Variants in TAF4B observed in about 807,000 individuals in gnomAD.
TAF4B encodes the protein transcription initiation factor TFIID subunit 4B.
Under a neutral mutation model 86.4 loss-of-function variants are expected in TAF4B, and 38 were observed. That is an observed-to-expected ratio of 0.44 (90% CI 0.34 to 0.58). The LOEUF (loss-of-function observed/expected upper bound fraction) is 0.58, where lower values mean the gene tolerates loss of function less well. Ranked by LOEUF, TAF4B falls within the 20% of genes least tolerant of loss-of-function variation. The probability of loss-of-function intolerance (pLI) is 0.02; values close to 1 mark genes in which losing one functional copy is unlikely to be tolerated. For missense variants in TAF4B, 988 were observed against 1,027.6 expected (o/e 0.96, Z 0.53); for synonymous variants, 388 against 391.2 (o/e 0.99, Z 0.10).
intron 13 of TAF4B, among the ~76,000 whole-genome samples, chr18:26,336,527 T>C (rs187189500): frequency 1.3e-5 from 2 of 152,210 alleles, no homozygotes; most frequent in African/African-American, 4.8e-5. Flanking sequence ...CAGGGAACGA[T>C]GGAAAGGGAG....
chr18:26,250,358 A>T (rs1236217039), intron 1 of TAF4B, among the ~76,000 whole-genome samples: 1 of 152,048 alleles, frequency 6.6e-6, no homozygotes, highest in Admixed American at 6.5e-5. Context: ...TTAGCCAGGC[A>T]TGGTAGCAGG....
chr18:26,292,505 A>G (rs2056605538), intron 8 of TAF4B, 124 bp downstream of exon 8: 2 of 1,000,106 alleles, frequency 2.0e-6, no homozygotes, highest in African/African-American at 3.3e-5. Flanking sequence ...ACCCATTGAG[A>G]GAAAACAGAA....
intron 13 of TAF4B, among the ~76,000 whole-genome samples, chr18:26,336,767 A>G (rs1018778857): frequency 6.6e-6 from 1 of 152,214 alleles, no homozygotes; most frequent in Non-Finnish European, 1.5e-5. Flanking sequence ...AGGACTGACT[A>G]GATGCTTATC....
At chr18:26,369,301 T>C (rs916569872) in intron 14 of TAF4B, among the ~76,000 whole-genome samples, 7 of 152,174 alleles carry the variant, frequency 4.6e-5, no homozygotes, top group Admixed American at 4.6e-4. Flanking sequence ...AGAAAAGCAG[T>C]TGGGGAAAAT....
At chr18:26,236,726 G>A (rs183431407) in intron 1 of TAF4B, among the ~76,000 whole-genome samples, 5 of 152,160 alleles carry the variant, frequency 3.3e-5, no homozygotes, top group Admixed American at 3.3e-4. Flanking sequence ...CTAAGGCTGC[G>A]GCCTTTCTCT....
At chr18:26,240,071 G>T (rs1340174477) in intron 1 of TAF4B, among the ~76,000 whole-genome samples, 1 of 152,150 alleles carries the variant, frequency 6.6e-6, no homozygotes, top group Non-Finnish European at 1.5e-5. Context: ...GGCAATGCTG[G>T]CTCTTTTTTG....
At chr18:26,268,048 G>T (rs867645984) in intron 3 of TAF4B, among the ~76,000 whole-genome samples, 1 of 152,152 alleles carries the variant, frequency 6.6e-6, no homozygotes, top group African/African-American at 2.4e-5. Context: ...TCCCACTATG[G>T]GTTAACATGG....
At chr18:26,365,982 A>G (rs553224051) in intron 14 of TAF4B, among the ~76,000 whole-genome samples, 1 of 152,164 alleles carries the variant, frequency 6.6e-6, no homozygotes, top group Non-Finnish European at 1.5e-5. Context: ...GTTGTGACCA[A>G]GTTTCACCAT....
intron 9 of TAF4B, among the ~76,000 whole-genome samples, chr18:26,299,278 A>T (rs1464484821): frequency 6.6e-6 from 1 of 151,964 alleles, no homozygotes; most frequent in Non-Finnish European, 1.5e-5. Flanking sequence ...TTTTAAACTG[A>T]GTGTTTTTGT....
At chr18:26,356,274 T>C (rs1000617857) in intron 13 of TAF4B, among the ~76,000 whole-genome samples, 2 of 152,152 alleles carry the variant, frequency 1.3e-5, no homozygotes, top group Non-Finnish European at 2.9e-5. Flanking sequence ...AGAGGCCCCA[T>C]CTCCTAATAA....
chr18:26,382,558 A>T (rs1193992228), intron 14 of TAF4B, among the ~76,000 whole-genome samples: 2 of 152,194 alleles, frequency 1.3e-5, no homozygotes, highest in East Asian at 1.9e-4. Context: ...AATAGTTGTG[A>T]ATAAACCATC....
rs371994687 is a variant in TAF4B, at chr18:26,353,310, C to T, written c.2317-4380C>T. Among the ~76,000 whole-genome samples the T allele has an allele frequency of 6.6e-5, 10 of 152,256 alleles. No individual in the cohort carries two copies. The East Asian group carries it at 1.9e-3, about 29-fold the overall frequency. On this transcript the variant is annotated intron_variant, in intron 13 of 14. Coordinates refer to ENST00000269142, the MANE Select transcript of TAF4B (RefSeq NM_005640.3). Reference sequence around the variant, plus strand: ...AAAAGTTGCTTTAATATTTGAAAATCAGTCAATATAATCATATATTAATAG... The same window carrying T: ...AAAAGTTGCTTTAATATTTGAAAATTAGTCAATATAATCATATATTAATAG...
At chr18:26,329,486 A>G (rs1353456653) in intron 12 of TAF4B, among the ~76,000 whole-genome samples, 1 of 152,164 alleles carries the variant, frequency 6.6e-6, no homozygotes, top group Non-Finnish European at 1.5e-5. Flanking sequence ...TGGCTTAACC[A>G]TGTCTCTCTT....
chr18:26,270,772 T>C (rs1009384649), intron 3 of TAF4B, among the ~76,000 whole-genome samples: 11 of 152,214 alleles, frequency 7.2e-5, no homozygotes, highest in Non-Finnish European at 1.3e-4. Context: ...AAATCTTTAC[T>C]AAGCTTAAAC....
intron 13 of TAF4B, among the ~76,000 whole-genome samples, chr18:26,347,047 AG>A (rs2057204896): frequency 6.7e-6 from 1 of 148,282 alleles, no homozygotes; most frequent in Non-Finnish European, 1.5e-5. Flanking sequence ...CAGCCTCCCA[AG>A]TAGCTGGGAC....
At chr18:26,295,420 T>A (rs1396417108) in intron 9 of TAF4B, 1 of 172,540 alleles carries the variant, frequency 5.8e-6, no homozygotes, top group Non-Finnish European at 1.2e-5. Context: ...AGGGGATAGT[T>A]TCCACTTCAG....
intron 1 of TAF4B, among the ~76,000 whole-genome samples, chr18:26,239,534 G>T (rs1379547058): frequency 6.6e-6 from 1 of 152,166 alleles, no homozygotes; most frequent in Non-Finnish European, 1.5e-5. Flanking sequence ...CCACTCTGTA[G>T]GTTGCCTGTT....
chr18:26,314,337 CT>C (rs2056880806), intron 9 of TAF4B, among the ~76,000 whole-genome samples: 1 of 152,210 alleles, frequency 6.6e-6, no homozygotes, highest in African/African-American at 2.4e-5. Flanking sequence ...TCCTCTCCCT[CT>C]TCTTTACCCT....
At chr18:26,235,061 G>A (rs2055728566) in intron 1 of TAF4B, among the ~76,000 whole-genome samples, 3 of 152,276 alleles carry the variant, frequency 2.0e-5, no homozygotes, top group South Asian at 4.1e-4. Flanking sequence ...ATGAGTTAGA[G>A]TAAGTGCTCC....
Sources: allele counts gnomAD v4.1 joint callset (sites outside exome capture counted in the v4.1 genomes callset), GRCh38; gene constraint gnomAD v4.1.1; transcripts MANE v1.5; gene names NCBI Gene and HGNC (gene_info 2026-07-23, HGNC 2026-07-21).